GALNT17: variants seen among roughly 807,000 people sequenced by gnomAD.
The protein encoded by GALNT17 is polypeptide N-acetylgalactosaminyltransferase 17, also known as UDP-GalNAc:polypeptide N-acetylgalactosaminyltransferase-like 3.
A neutral mutation model predicts 63.7 loss-of-function variants in GALNT17; 29 were observed. The observed-to-expected ratio is 0.46, with a 90% CI of 0.34 to 0.62. GALNT17 has a LOEUF of 0.62. GALNT17 is among the 20% of genes least tolerant of loss of function. The pLI, the probability that GALNT17 is intolerant of heterozygous loss-of-function variation, is 0.01. For synonymous variants in GALNT17, 305 were observed against 318.3 expected, an observed-to-expected ratio of 0.96 and a Z score of 0.45; for missense variants, 603 against 799.6, an observed-to-expected ratio of 0.75 and a Z score of 2.97.
At chr7:71,710,980 A>C in intron 10 of GALNT17, 52 bp downstream of exon 10, 1 of 1,590,082 alleles carries the variant, frequency 6.3e-7, no homozygotes, top group African/African-American at 1.3e-5. Flanking sequence ...AAGAGGCTGC[A>C]GACCACAGAG....
intron 2 of GALNT17, among the ~76,000 whole-genome samples, chr7:71,351,053 ATTGT>A (rs1030089338): frequency 1.3e-5 from 2 of 152,204 alleles, no homozygotes; most frequent in African/African-American, 2.4e-5. Flanking sequence ...AGGCACAAGA[ATTGT>A]TTGAACCTGG....
intron 2 of GALNT17, among the ~76,000 whole-genome samples, chr7:71,337,035 T>G (rs1259837179): frequency 6.6e-6 from 1 of 152,156 alleles, no homozygotes; most frequent in Non-Finnish European, 1.5e-5. Context: ...TCATTATGAC[T>G]GGTTGAAATG....
intron 2 of GALNT17, among the ~76,000 whole-genome samples, chr7:71,359,843 C>T (rs551010962): frequency 3.7e-4 from 57 of 152,196 alleles, no homozygotes; most frequent in African/African-American, 1.3e-3. Flanking sequence ...CTGAAATGAA[C>T]GAATAAATAA....
intron 1 of GALNT17, among the ~76,000 whole-genome samples, chr7:71,263,879 A>G (rs548665086): frequency 4.6e-5 from 7 of 151,868 alleles, no homozygotes; most frequent in South Asian, 2.1e-4. Context: ...AGCCGAGATC[A>G]CACCACTGCA....
chr7:71,155,029 G>A (rs1315246417), intron 1 of GALNT17, among the ~76,000 whole-genome samples: 2 of 151,840 alleles, frequency 1.3e-5, no homozygotes, highest in African/African-American at 2.4e-5. Context: ...TGCAGTGGGG[G>A]TTAGGTTGGC....
At chr7:71,440,912 G>C (rs530413357) in intron 5 of GALNT17, among the ~76,000 whole-genome samples, 2 of 152,190 alleles carry the variant, frequency 1.3e-5, no homozygotes, top group South Asian at 2.1e-4. Context: ...GGTGTGTTAC[G>C]TTTGAGGCCA....
At chr7:71,425,101 C>T (rs991219577) in intron 5 of GALNT17, among the ~76,000 whole-genome samples, 4 of 152,156 alleles carry the variant, frequency 2.6e-5, no homozygotes, top group Non-Finnish European at 4.4e-5. Flanking sequence ...GGGCAAGTGC[C>T]ATTAAAGAGG....
chr7:71,161,078 T>C (rs1312464880), intron 1 of GALNT17, among the ~76,000 whole-genome samples: 1 of 152,066 alleles, frequency 6.6e-6, no homozygotes, highest in East Asian at 1.9e-4. Context: ...TGGGCTCAAG[T>C]GCTCCCCAAG....
intron 1 of GALNT17, among the ~76,000 whole-genome samples, chr7:71,134,162 C>T (rs777760816): frequency 6.6e-6 from 1 of 152,118 alleles, no homozygotes; most frequent in African/African-American, 2.4e-5. Flanking sequence ...GATATAACTG[C>T]GCCCCAAACC....
intron 1 of GALNT17, among the ~76,000 whole-genome samples, chr7:71,225,917 A>G (rs753144183): frequency 2.0e-5 from 3 of 152,226 alleles, no homozygotes; most frequent in Non-Finnish European, 4.4e-5. Context: ...AAAAAGAGAC[A>G]AGTTATATCA....
At chr7:71,599,673 G>A (rs1789937488) in intron 6 of GALNT17, among the ~76,000 whole-genome samples, 1 of 151,806 alleles carries the variant, frequency 6.6e-6, no homozygotes, top group Non-Finnish European at 1.5e-5. Context: ...TATCTGGTGG[G>A]TAGAGGCCAG....
intron 2 of GALNT17, among the ~76,000 whole-genome samples, chr7:71,385,704 C>A (rs1792930724): frequency 6.6e-6 from 1 of 152,190 alleles, no homozygotes; most frequent in African/African-American, 2.4e-5. Context: ...CCCCAGCAGG[C>A]CATGGGCACG....
At chr7:71,411,313 G>A (rs1447181012) in intron 3 of GALNT17, among the ~76,000 whole-genome samples, 1 of 151,908 alleles carries the variant, frequency 6.6e-6, no homozygotes, top group Non-Finnish European at 1.5e-5. Context: ...TAGAGATAAG[G>A]TCACACCATG....
At chr7:71,231,763 A>G (rs62457804) in intron 1 of GALNT17, among the ~76,000 whole-genome samples, 2 of 150,374 alleles carry the variant, frequency 1.3e-5, no homozygotes, top group African/African-American at 4.9e-5. Flanking sequence ...AGAGAGAGAG[A>G]GGGAGAGGGA....
chr7:71,659,141 T>C (rs1790870016), intron 6 of GALNT17, among the ~76,000 whole-genome samples: 2 of 152,238 alleles, frequency 1.3e-5, no homozygotes. Context: ...GTGTGGACCC[T>C]GCCTACCTCT....
intron 1 of GALNT17, among the ~76,000 whole-genome samples, chr7:71,195,288 T>G (rs1438050876): frequency 6.6e-6 from 1 of 152,158 alleles, no homozygotes; most frequent in Non-Finnish European, 1.5e-5. Flanking sequence ...TGATCATAAC[T>G]TAGTGCCACC....
intron 1 of GALNT17, among the ~76,000 whole-genome samples, chr7:71,304,604 T>A (rs2115899554): frequency 6.6e-6 from 1 of 152,318 alleles, no homozygotes; most frequent in Admixed American, 6.5e-5. Flanking sequence ...AAGATGCAAG[T>A]GGCCTGTGTT....
chr7:71,373,704 G>A (rs997984365), intron 2 of GALNT17, among the ~76,000 whole-genome samples: 13 of 152,260 alleles, frequency 8.5e-5, no homozygotes, highest in Middle Eastern at 3.4e-3. Context: ...CTCCTTATGA[G>A]AATCTAATGC....
intron 1 of GALNT17, among the ~76,000 whole-genome samples, chr7:71,326,076 C>T (rs372092550): frequency 1.9e-4 from 29 of 151,950 alleles, no homozygotes; most frequent in African/African-American, 6.0e-4. Flanking sequence ...AATTTTCTAA[C>T]GTCTGTGTTC....
Sources: allele counts gnomAD v4.1 joint callset (sites outside exome capture counted in the v4.1 genomes callset), GRCh38; gene constraint gnomAD v4.1.1; transcripts MANE v1.5; gene names NCBI Gene and HGNC (gene_info 2026-07-23, HGNC 2026-07-21).